The following MAP7D1 variants were observed in gnomAD, a reference collection of about 807,000 sequenced individuals.
The protein encoded by MAP7D1 is MAP7 domain-containing protein 1.
MAP7D1 carries 30 observed loss-of-function variants against 97.5 expected under a neutral mutation model. The observed-to-expected ratio is 0.31, with a 90% CI of 0.23 to 0.42. The LOEUF (loss-of-function observed/expected upper bound fraction) is 0.42. MAP7D1 is among the 10% of genes least tolerant of loss of function. The probability of loss-of-function intolerance (pLI) is 1.00; values close to 1 mark genes in which losing one functional copy is unlikely to be tolerated. For synonymous variants in MAP7D1, 536 were observed against 477.1 expected, an observed-to-expected ratio of 1.12 and a Z score of -1.61; for missense variants, 1,184 against 1,179.5, an observed-to-expected ratio of 1.00 and a Z score of -0.06.
chr1:36,172,831 A>G (rs1351335161), intron 4 of MAP7D1, among the ~76,000 whole-genome samples: 1 of 152,236 alleles, frequency 6.6e-6, no homozygotes, highest in Non-Finnish European at 1.5e-5. Context: ...TGAATGTGCC[A>G]CTGTAGGCCC....
rs1443666401 is a variant in MAP7D1 at position 36,167,557 on chromosome 1, T to G, written c.47-3414T>G. 2.0e-5 allele frequency among the ~76,000 whole-genome samples: 3 copies of G among 152,190 alleles called. No individual in the cohort carries two copies. The East Asian group carries it at 5.8e-4, about 29-fold the overall frequency. Reference sequence around the variant, plus strand: ...TGCTGCTTACCAAGCCCCTGCCAGGTGCCACCGATGATGTACCCGTCTGTA... The same window carrying G: ...TGCTGCTTACCAAGCCCCTGCCAGGGGCCACCGATGATGTACCCGTCTGTA... On this transcript the variant is annotated intron_variant, in intron 1 of 16. Transcript: ENST00000474796.
chr1:36,174,832 G>A, intron 5 of MAP7D1, 66 bp from the exon 6 acceptor site: 1 of 838,694 alleles, frequency 1.2e-6, no homozygotes, highest in Non-Finnish European at 2.0e-6. Context: ...CTGCATGGAA[G>A]GCCTCGGTGC....
rs773739220 is a variant in MAP7D1 at position 36,174,957 on chromosome 1, A to G, written c.799A>G (p.Asn267Asp). ...GCCCAAACACGTGGACTCTATAATCAACAAGCGGCTCTCAAAGTCCTCTGC... is the reference window on the plus strand; with the variant it reads ...GCCCAAACACGTGGACTCTATAATCGACAAGCGGCTCTCAAAGTCCTCTGC... ...NLPKHVDSII[N>D]KRLSKSSATL... Residue 267 changes from asparagine to aspartate, a missense_variant, in exon 6 of 17, where the codon AAC (asparagine) becomes GAC (aspartate). Asn to Asp is a conservative substitution (Grantham distance 23). Transcript: ENST00000474796. The G allele has an allele frequency of 1.2e-6, 2 of 1,613,678 alleles. No individual in the cohort carries two copies.
In MAP7D1 at chr1:36,176,794, C is replaced by T. The variant is rs766850841; in HGVS notation, c.1331C>T (p.Pro444Leu). The T allele has an allele frequency of 2.4e-5, 38 of 1,597,150 alleles. 1 individual carries two copies. In the South Asian group the frequency reaches 3.9e-4, roughly 17 times the overall value. Residue 444 changes from proline (P) to leucine (L), a missense_variant, in exon 8 of 17, where the codon CCC (proline) becomes CTC (leucine). Pro to Leu is a moderately conservative substitution (Grantham distance 98). Transcript: ENST00000474796. This position sits in a 1 kb window ranked among gnomAD's most constrained non-coding sequence, Gnocchi z 6.1. ...AGCCTCAAGAAGCGCCAGTCGCTGC[C>T]CGCCTCCCCACGTGCCCGCCTCTCT... ...ERSLKKRQSL[P>L]ASPRARLSAS...
Position 36,180,372 on chromosome 1 carries a change from G to T in MAP7D1, c.*114G>T, listed in dbSNP as rs549255033. ...ATGGAAGTGGCCTGGGCCCCTGGGGGTGGGTCCTCTCTGTTGTTTTTAATC... is the reference window on the plus strand; with the variant it reads ...ATGGAAGTGGCCTGGGCCCCTGGGGTTGGGTCCTCTCTGTTGTTTTTAATC... On this transcript the variant is annotated 3_prime_UTR_variant, in exon 17 of 17. Transcript: ENST00000474796. 6.8e-7 allele frequency: 1 copy of T among 1,460,092 alleles called. No individual in the cohort carries two copies. Among genetic ancestry groups the T allele is most frequent in the Non-Finnish European group, 9.6e-7 (1 of 1,040,704 alleles). The allele number at this position is 1,460,092 out of a possible 1,614,324, so 90.4% of individuals were successfully genotyped here.
In MAP7D1 at chr1:36,176,308, C is replaced by A. The variant is rs1200476960; in HGVS notation, c.960C>A (p.Asn320Lys). The A allele has an allele frequency of 2.6e-6, 4 of 1,563,822 alleles. No individual in the cohort carries two copies. The African/African-American group carries it at 5.5e-5, about 21-fold the overall frequency. ...RSRSAVTLPR[N>K]GRDQGRGCDP... is the part of the protein sequence containing the mutation. The stretch of plus-strand genomic sequence containing the variant: ...GCAGCGCGGTCACACTGCCCCGCAA[C>A]GGCCGGGACCAGGGTAGGGGCTGCG... The change falls in exon 7 of 17, where the codon AAC becomes AAA. Residue 320 changes from asparagine to lysine, a missense_variant. Asn to Lys is a moderately conservative substitution (Grantham distance 94). Coordinates refer to ENST00000474796, the MANE Select transcript of MAP7D1 (RefSeq NM_001388490.1). The surrounding 1 kb of genome is among the most constrained non-coding windows in gnomAD (Gnocchi z 6.1).
rs779038632 is a variant in MAP7D1 at position 36,178,751 on chromosome 1, G to A, written c.1953G>A (p.Arg651=). The A allele has an allele frequency of 3.9e-6, 6 of 1,545,504 alleles. No individual in the cohort carries two copies. Among genetic ancestry groups the A allele is most frequent in the African/African-American group, 2.7e-5 (2 of 72,884 alleles). ...GGGCGGAGCGGGAGGCGGAGGCCCGGAGGCGGGAGGAGCAGGAGGCACGAG... is the reference window on the plus strand; with the variant it reads ...GGGCGGAGCGGGAGGCGGAGGCCCGAAGGCGGGAGGAGCAGGAGGCACGAG... ...EARAEREAEA[R]RREEQEAREK... is the part of the protein sequence containing the mutation. Residue 651 remains arginine (R), a synonymous_variant, in exon 11 of 17, where the codon CGG becomes CGA. Transcript: ENST00000474796.
chr1:36,175,403 T>TG (rs982362204), intron 6 of MAP7D1, among the ~76,000 whole-genome samples: 1 of 152,090 alleles, frequency 6.6e-6, no homozygotes, highest in Non-Finnish European at 1.5e-5. Context: ...CTGGGTGCTG[T>TG]GGGGTGGAGG....
intron 5 of MAP7D1, among the ~76,000 whole-genome samples, chr1:36,174,210 G>A (rs1156833415): frequency 1.3e-5 from 2 of 152,172 alleles, no homozygotes; most frequent in Non-Finnish European, 2.9e-5. Flanking sequence ...GAGGTCACAT[G>A]TGTGTGGTGC....
rs1557781836 is a variant in MAP7D1 at position 36,176,853 on chromosome 1, G to A, written c.1379+11G>A. On this transcript the variant is annotated intron_variant, in intron 8 of 16. Transcript: ENST00000474796. This position sits in a 1 kb window ranked among gnomAD's most constrained non-coding sequence, Gnocchi z 6.1. ...CGCCTCTGAGCTCAGGTGGGCGCGG[G>A]CGGTGCGAGGGACCCTGCCCCTCAC... The A allele has an allele frequency of 1.3e-6, 2 of 1,580,984 alleles. No individual in the cohort carries two copies. The highest frequency in any genetic ancestry group is 4.6e-5 in the East Asian group (2 of 43,440).
Position 36,156,229 on chromosome 1 carries a change from CG to C in MAP7D1, c.-186del, listed in dbSNP as rs1644325738. 2.2e-6 allele frequency: 1 copy of C among 446,064 alleles called. No homozygotes were observed. Among genetic ancestry groups the C allele is most frequent in the Non-Finnish European group, 3.9e-6 (1 of 259,162 alleles). The allele number at this position is 446,064 out of a possible 1,614,324, so 27.6% of individuals were successfully genotyped here. On this transcript the variant is annotated 5_prime_UTR_variant, in exon 1 of 17. Transcript: ENST00000474796. The stretch of plus-strand genomic sequence containing the variant: ...GTTCGCGACCGCAGCCGAGAGACCC[CG>C]GGCGACCGGCACCTCCGAGACTCGC...
chr1:36,171,061 A>T lies in MAP7D1; in HGVS notation c.137A>T (p.Asp46Val). 7.5e-7 allele frequency: 1 copy of T among 1,324,938 alleles called. No homozygotes were observed. Among genetic ancestry groups the T allele is most frequent in the South Asian group, 1.2e-5 (1 of 84,428 alleles). 82.1% of individuals were successfully genotyped at this position (1,324,938 alleles called of 1,614,324 possible). ...PPPPMSALVP[D>V]TPPDTPPAMK... The stretch of plus-strand genomic sequence containing the variant: ...CCACCAATGTCAGCCCTGGTCCCCG[A>T]CACTCCCCCGGACACCCCTCCTGCC... The change falls in exon 2 of 17, where the codon GAC (aspartate) becomes GTC (valine). Residue 46 changes from aspartate (D) to valine (V), a missense_variant. By Grantham distance (152) the Asp-to-Val change is radical. Transcript: ENST00000474796.
intron 3 of MAP7D1, chr1:36,171,960 C>T (rs1032498620): frequency 1.2e-5 from 2 of 170,078 alleles, no homozygotes; most frequent in African/African-American, 5.9e-5. Context: ...AAAAAAAAAC[C>T]AACACTTCTG....
intron 1 of MAP7D1, among the ~76,000 whole-genome samples, chr1:36,164,570 A>G (rs1003175108): frequency 1.3e-5 from 2 of 152,218 alleles, no homozygotes; most frequent in African/African-American, 4.8e-5. Flanking sequence ...GTGGATGGTC[A>G]TCAGCATTAA....
At chr1:36,174,208 AT>A (rs1644586203) in intron 5 of MAP7D1, among the ~76,000 whole-genome samples, 2 of 152,182 alleles carry the variant, frequency 1.3e-5, no homozygotes, top group African/African-American at 4.8e-5. Flanking sequence ...ATGAGGTCAC[AT>A]GTGTGTGGTG....
chr1:36,156,558 C>T, intron 1 of MAP7D1, 95 bp downstream of exon 1: 1 of 1,031,648 alleles, frequency 9.7e-7, no homozygotes, highest in Non-Finnish European at 1.3e-6. Flanking sequence ...GGGACCCCTC[C>T]GCTGCCGCGC....
chr1:36,156,572 C>T, intron 1 of MAP7D1, 109 bp downstream of exon 1: 2 of 877,640 alleles, frequency 2.3e-6, no homozygotes, highest in South Asian at 5.4e-5. Context: ...GCCGCGCCCT[C>T]TGACCACTTG....
intron 1 of MAP7D1, among the ~76,000 whole-genome samples, chr1:36,169,512 C>T (rs1293907101): frequency 2.0e-5 from 3 of 151,068 alleles, no homozygotes; most frequent in African/African-American, 7.3e-5. Context: ...GCCCAGATTG[C>T]GCCACTGCAC....
At position 36,178,141 on chromosome 1, in the gene MAP7D1, G is replaced by A; in HGVS notation, c.1648G>A (p.Ala550Thr). The change falls in exon 9 of 17, where the codon GCG becomes ACG. Residue 550 changes from alanine (A) to threonine (T), a missense_variant. Ala to Thr is a moderately conservative substitution (Grantham distance 58). Coordinates refer to ENST00000474796, the MANE Select transcript of MAP7D1 (RefSeq NM_001388490.1). ...CCCAGCCTCACCGGCACCTTCGCCG[G>A]CGCCCTCGCCCACCCCAGCCCCGCC... ...AAPASPAPSPAPSPTPAPPQK... is the reference protein window; with the variant it reads ...AAPASPAPSPTPSPTPAPPQK... 1 of 1,581,702 alleles carries A rather than the reference G, an allele frequency of 6.3e-7. No homozygotes were observed. The highest frequency in any genetic ancestry group is 8.6e-7 in the Non-Finnish European group (1 of 1,165,256).
Sources: allele counts gnomAD v4.1 joint callset (sites outside exome capture counted in the v4.1 genomes callset), GRCh38; gene constraint gnomAD v4.1.1; non-coding constraint Gnocchi (gnomAD v3.1); transcripts MANE v1.5; gene names NCBI Gene and HGNC (gene_info 2026-07-23, HGNC 2026-07-21).